TMEM247: variants seen among roughly 807,000 people sequenced by gnomAD.
The protein encoded by TMEM247 is transmembrane protein ENSP00000343375.
Under a neutral mutation model 20.7 loss-of-function variants are expected in TMEM247, and 23 were observed. The observed-to-expected ratio is 1.11, with a 90% CI of 0.80 to 1.57. TMEM247 has a LOEUF of 1.57. TMEM247 is among the 40% of genes most tolerant of loss of function. The pLI is 0.00. For missense variants in TMEM247, 354 were observed against 283.8 expected (o/e 1.25, Z -1.78); for synonymous variants, 106 against 111.9 (o/e 0.95, Z 0.33).
At chr2:46,481,233 G>C (rs949833336) in intron 2 of TMEM247, among the ~76,000 whole-genome samples, 1 of 152,286 alleles carries the variant, frequency 6.6e-6, no homozygotes, top group Non-Finnish European at 1.5e-5. Flanking sequence ...AGTGGATTTT[G>C]ATAGAACCAT....
chr2:46,481,992 G>C (rs1168040559), intron 2 of TMEM247, among the ~76,000 whole-genome samples: 1 of 152,172 alleles, frequency 6.6e-6, no homozygotes, highest in Non-Finnish European at 1.5e-5. Flanking sequence ...GAGACGCACT[G>C]TCAAATGGTT....
rs1352637153 is a variant in TMEM247, at chr2:46,479,714, G to A, written c.117+12G>A. The A allele has an allele frequency of 9.1e-6, 14 of 1,530,100 alleles. No homozygotes were observed. The South Asian group carries it at 1.1e-4, about 12-fold the overall frequency. The allele number at this position is 1,530,100 out of a possible 1,614,324, so 94.8% of individuals were successfully genotyped here. A position where few individuals can be genotyped will look rare whatever the true frequency, so the allele number is the denominator to read the frequency against. ...CAAGGGCTTATCTGGTAAGGGGGCT[G>A]CTGTGTCTCACCACCCCCGCCTATT... On this transcript the variant is annotated intron_variant, in intron 1 of 2. Transcript: ENST00000434431.
At chr2:46,480,546 C>T in exon 2 of TMEM247, 3 of 1,551,766 alleles carry the variant, frequency 1.9e-6, no homozygotes, top group Non-Finnish European at 2.6e-6. Flanking sequence ...TGGCGACGGA[C>T]CCAAACCCGC....
Position 46,479,670 on chromosome 2 carries a change from T to TC in TMEM247, c.87dup (p.Lys30GlnfsTer3). On this transcript the variant is annotated frameshift_variant, in exon 1 of 3. Coordinates refer to ENST00000434431, the Ensembl canonical transcript of TMEM247. LOFTEE classifies it high-confidence loss of function. The stretch of plus-strand genomic sequence containing the variant: ...CTTCCCCAAGATGGTGCCTGGTGAC[T>TC]CCAAGTCTGAAGGGAAGCCAAGGGC... 1 of 1,551,742 alleles carries TC rather than the reference T, an allele frequency of 6.4e-7. No individual in the cohort carries two copies. Among genetic ancestry groups the TC allele is most frequent in the East Asian group, 2.4e-5 (1 of 40,910 alleles).
At position 46,481,126 on chromosome 2, in the gene TMEM247, A is replaced by G. The variant is rs11897917; in HGVS notation, c.477+362A>G. Among the ~76,000 whole-genome samples the G allele has an allele frequency of 2.6e-3, 391 of 152,284 alleles. 2 individuals carry two copies. Among genetic ancestry groups the G allele is most frequent in the African/African-American group, 8.9e-3 (369 of 41,558 alleles). On this transcript the variant is annotated intron_variant, in intron 2 of 2. Transcript: ENST00000434431. ...TGGTAGCTTCAAGGAAAAGTCTTCA[A>G]CATTTCCTCCCTCTTCCACCGCTCA...
chr2:46,481,166 A>G (rs994264073), intron 2 of TMEM247, among the ~76,000 whole-genome samples: 2 of 152,120 alleles, frequency 1.3e-5, no homozygotes, highest in African/African-American at 4.8e-5. Flanking sequence ...TCCTCTCTGC[A>G]TCTCTTAAAA....
At chr2:46,481,401 C>G (rs1467890457) in intron 2 of TMEM247, among the ~76,000 whole-genome samples, 1 of 152,226 alleles carries the variant, frequency 6.6e-6, no homozygotes, top group South Asian at 2.1e-4. Context: ...ATGTGAAGAG[C>G]TTAGCACAGT....
chr2:46,482,170 T>G (rs1686902387), intron 2 of TMEM247, among the ~76,000 whole-genome samples: 1 of 152,246 alleles, frequency 6.6e-6, no homozygotes, highest in South Asian at 2.1e-4. Flanking sequence ...AAATACCTGC[T>G]TCATTATAAA....
rs1240330035 is a variant in TMEM247, at chr2:46,480,258, G to A, written c.118-147G>A. The A allele has an allele frequency of 3.2e-6, 3 of 946,214 alleles. 1 individual carries two copies. The highest frequency in any genetic ancestry group is 3.0e-6 in the Non-Finnish European group (2 of 659,274). 58.6% of individuals were successfully genotyped at this position (946,214 alleles called of 1,614,324 possible). On this transcript the variant is annotated intron_variant, in intron 1 of 2. Coordinates refer to ENST00000434431, the Ensembl canonical transcript of TMEM247. ...CAGGTCCTGACAACTCCCGGTAAGA[G>A]CACTTCTAATAAGAATTCAGCCTAG... is the stretch of plus-strand genomic sequence containing the variant.
chr2:46,481,928 A>G (rs1264364847), intron 2 of TMEM247, among the ~76,000 whole-genome samples: 1 of 152,110 alleles, frequency 6.6e-6, no homozygotes, highest in Non-Finnish European at 1.5e-5. Flanking sequence ...ATTAATCATC[A>G]CCCTTGAGTT....
chr2:46,480,673 G>A (rs79819367), exon 2 of TMEM247: 3 of 1,539,718 alleles, frequency 1.9e-6, no homozygotes, highest in Non-Finnish European at 2.6e-6. Flanking sequence ...CAGCGGCAGC[G>A]GCAGCACGAG....
Position 46,480,465 on chromosome 2 carries a change from G to T in TMEM247, c.178G>T (p.Glu60Ter). The change falls in exon 2 of 3, where the codon GAG (glutamate) becomes TAG (stop). Residue 60 changes from glutamate to a stop codon, truncating the protein, a stop_gained. Coordinates refer to ENST00000434431, the Ensembl canonical transcript of TMEM247. LOFTEE classifies it high-confidence loss of function. ...CTACTTGGAAGAGATGGAAGCTTGT[G>T]AGGACGGAGGCTGCCAAGGGCCGCT... The T allele has an allele frequency of 6.4e-7, 1 of 1,551,662 alleles. No homozygotes were observed. Among genetic ancestry groups the T allele is most frequent in the Non-Finnish European group, 8.7e-7 (1 of 1,147,008 alleles).
chr2:46,480,416 C>T, exon 2 of TMEM247: 2 of 1,545,322 alleles, frequency 1.3e-6, no homozygotes, highest in Non-Finnish European at 1.7e-6. Context: ...AGGCAGAGTC[C>T]CAGAAGCCAG....
At chr2:46,480,367 C>G (rs1166290886) in intron 1 of TMEM247, 38 bp from the exon 2 acceptor site, 6 of 1,500,388 alleles carry the variant, frequency 4.0e-6, no homozygotes, top group East Asian at 2.5e-5. Context: ...CATCCTGACT[C>G]TTCAAGGTAC....
intron 2 of TMEM247, among the ~76,000 whole-genome samples, chr2:46,481,643 C>T (rs182545154): frequency 6.6e-6 from 1 of 152,316 alleles, no homozygotes; most frequent in Admixed American, 6.5e-5. Context: ...TTGCAATTAG[C>T]CCAGCACATT....
exon 1 of TMEM247, chr2:46,479,676 T>C (rs1478721158): frequency 6.4e-7 from 1 of 1,551,610 alleles, no homozygotes; most frequent in African/African-American, 1.4e-5. Flanking sequence ...TGACTCCAAG[T>C]CTGAAGGGAA....
chr2:46,480,684 G>A, exon 2 of TMEM247: 4 of 1,550,910 alleles, frequency 2.6e-6, no homozygotes, highest in Non-Finnish European at 3.5e-6. Flanking sequence ...GCAGCACGAG[G>A]TGGTGATGGA....
In TMEM247 at chr2:46,483,977, A is replaced by T. The variant is rs116350874; in HGVS notation, c.478-267A>T. Among the ~76,000 whole-genome samples the T allele has an allele frequency of 6.8e-3, 1,036 of 152,006 alleles. 7 individuals are homozygous for T. Among genetic ancestry groups the T allele is most frequent in the African/African-American group, 0.024 (992 of 41,434 alleles). ...AATTTTTAAATTTTTTTTTATAGAG[A>T]TAGGGGTCTCACTACATTGCCCAGG... On this transcript the variant is annotated intron_variant, in intron 2 of 2. Coordinates refer to ENST00000434431, the Ensembl canonical transcript of TMEM247.
chr2:46,480,028 T>TC (rs1686847964), intron 1 of TMEM247, among the ~76,000 whole-genome samples: 1 of 152,170 alleles, frequency 6.6e-6, no homozygotes, highest in South Asian at 2.1e-4. Flanking sequence ...ACCCTGGGTT[T>TC]CTTTCTCCCT....
Sources: gnomAD v4.1 joint callset for allele counts (sites outside exome capture counted in the v4.1 genomes callset) on GRCh38, gnomAD v4.1.1 for gene constraint, MANE v1.5 for transcripts, NCBI Gene and HGNC (gene_info 2026-07-23, HGNC 2026-07-21) for gene names.